Variants in MAG observed in about 807,000 individuals in gnomAD.
MAG encodes myelin-associated glycoprotein.
Under a neutral mutation model 60.7 loss-of-function variants are expected in MAG, and 30 were observed. That is an observed-to-expected ratio of 0.49 (90% CI 0.37 to 0.67). The LOEUF is 0.67. MAG is among the 30% of genes least tolerant of loss of function. The pLI, the probability that MAG is intolerant of heterozygous loss-of-function variation, is 0.00. For missense variants in MAG, 795 were observed against 851.7 expected, an observed-to-expected ratio of 0.93 and a Z score of 0.83; for synonymous variants, 384 against 376.8, an observed-to-expected ratio of 1.02 and a Z score of -0.22.
chr19:35,308,001 C>G (rs568877257), intron 7 of MAG, among the ~76,000 whole-genome samples: 1 of 152,186 alleles, frequency 6.6e-6, no homozygotes, highest in South Asian at 2.1e-4. Context: ...CTGGGGAGGC[C>G]GGGGGCTGGG....
At chr19:35,303,121 G>A (rs192008236) in intron 7 of MAG, among the ~76,000 whole-genome samples, 54 of 152,120 alleles carry the variant, frequency 3.5e-4, no homozygotes, top group African/African-American at 1.3e-3. Flanking sequence ...ACGGGGTTTC[G>A]CCATGTTGGC....
chr19:35,305,694 C>T (rs2066478518), intron 7 of MAG, among the ~76,000 whole-genome samples: 1 of 152,194 alleles, frequency 6.6e-6, no homozygotes, highest in Non-Finnish European at 1.5e-5. Context: ...GTGGCCCACA[C>T]CTGTAGTCCC....
At chr19:35,312,560 TG>T (rs1202005914) in intron 10 of MAG, 2 of 441,562 alleles carry the variant, frequency 4.5e-6, no homozygotes, top group Non-Finnish European at 8.3e-6. Context: ...GTGGGAAGCG[TG>T]GGGGGAACCC....
rs202136750 is a variant in MAG, at chr19:35,302,484, T to G, written c.1007T>G (p.Val336Gly). The G allele has an allele frequency of 1.2e-6, 2 of 1,614,104 alleles. No homozygotes were observed. Among genetic ancestry groups the G allele is most frequent in the Non-Finnish European group, 1.7e-6 (2 of 1,180,032 alleles). ...AAGCCAACAGTGAACGGGACAATGG[T>G]GGCCGTAGAGGGGGAGACGGTCTCT... Reference protein sequence around the residue: ...PWKPTVNGTMVAVEGETVSIL... With the variant: ...PWKPTVNGTMGAVEGETVSIL... The change falls in exon 7 of 11, where the codon GTG becomes GGG. Residue 336 changes from valine to glycine, a missense_variant. Physicochemically the swap from Val to Gly is moderately radical, Grantham distance 109. Transcript: ENST00000392213.
chr19:35,303,830 G>A (rs760623924), intron 7 of MAG, among the ~76,000 whole-genome samples: 1 of 150,900 alleles, frequency 6.6e-6, no homozygotes, highest in African/African-American at 2.4e-5. Context: ...ACTCCAGGTT[G>A]TAGCAGCCAA....
intron 7 of MAG, among the ~76,000 whole-genome samples, chr19:35,307,213 C>A (rs1231336232): frequency 1.3e-5 from 2 of 152,226 alleles, no homozygotes; most frequent in African/African-American, 2.4e-5. Context: ...TGCAGCTCTG[C>A]CCGAACAGGA....
intron 7 of MAG, among the ~76,000 whole-genome samples, chr19:35,303,113 G>A (rs548308534): frequency 7.9e-5 from 12 of 151,990 alleles, no homozygotes; most frequent in Admixed American, 4.6e-4. Flanking sequence ...TAGTAGAGAC[G>A]GGGTTTCGCC....
chr19:35,299,412 T>A, intron 4 of MAG, 142 bp from the exon 5 acceptor site: 1 of 585,164 alleles, frequency 1.7e-6, no homozygotes, highest in Non-Finnish European at 2.8e-6. Flanking sequence ...ATTCTGAATC[T>A]GGAGGCAGGG....
intron 7 of MAG, among the ~76,000 whole-genome samples, chr19:35,304,170 C>CTA (rs1250992131): frequency 6.6e-6 from 1 of 152,210 alleles, no homozygotes; most frequent in East Asian, 1.9e-4. Flanking sequence ...TCCTGCTGAC[C>CTA]TATAATCTTC....
In MAG at chr19:35,296,684, C is replaced by T. The variant is rs149380071; in HGVS notation, c.415+703C>T. ...TGGCGCTGCTGCTTGGAGTCCTCAG[C>T]GCTGAGTCCCTATGAGAGAGCCGGG... On this transcript the variant is annotated intron_variant, in intron 4 of 10. Transcript: ENST00000392213. Among the ~76,000 whole-genome samples the T allele has an allele frequency of 7.9e-5, 12 of 151,992 alleles. No homozygotes were observed. In the East Asian group the frequency reaches 1.9e-3, roughly 25 times the overall value.
At chr19:35,310,326 C>A (rs967963039) in intron 8 of MAG, among the ~76,000 whole-genome samples, 165 bp downstream of exon 8, 13 of 152,234 alleles carry the variant, frequency 8.5e-5, no homozygotes, top group African/African-American at 2.9e-4. Flanking sequence ...CTGAGTTTGC[C>A]CCGAGTTTGC....
At chr19:35,302,769 A>T in intron 7 of MAG, 61 bp downstream of exon 7, 2 of 1,582,574 alleles carry the variant, frequency 1.3e-6, no homozygotes, top group Non-Finnish European at 1.7e-6. Flanking sequence ...CACCAGGGTT[A>T]CTGTGGGTGC....
chr19:35,306,346 CT>C (rs1364858744), intron 7 of MAG, among the ~76,000 whole-genome samples: 5 of 152,136 alleles, frequency 3.3e-5, no homozygotes, highest in Non-Finnish European at 7.3e-5. Flanking sequence ...GTGTGTTTTG[CT>C]GCTGAGGTTT....
intron 7 of MAG, among the ~76,000 whole-genome samples, chr19:35,308,149 G>A (rs1415586379): frequency 6.6e-6 from 1 of 152,180 alleles, no homozygotes; most frequent in Admixed American, 6.5e-5. Flanking sequence ...AGAACTGAGT[G>A]AGGCAGGGAG....
intron 10 of MAG, chr19:35,312,230 GCCCC>G: frequency 6.4e-7 from 1 of 1,558,844 alleles, no homozygotes; most frequent in Non-Finnish European, 8.8e-7. Context: ...GGGCCTAAGG[GCCCC>G]CTCCCCTCCC....
intron 8 of MAG, 66 bp downstream of exon 8, chr19:35,310,227 C>A: frequency 6.6e-7 from 1 of 1,521,448 alleles, no homozygotes; most frequent in South Asian, 1.3e-5. Flanking sequence ...TCCAAGCTCC[C>A]AAGGCTGACC....
In MAG at chr19:35,299,864, C is replaced by A; in HGVS notation, c.712+14C>A. On this transcript the variant is annotated intron_variant, in intron 5 of 10. Transcript: ENST00000392213. ...TGGACGTCAAGTGTGAGCCTGGGTGCGGGCGGGGCGGGGTGGGGCGGGGTG... is the reference window on the plus strand; with the variant it reads ...TGGACGTCAAGTGTGAGCCTGGGTGAGGGCGGGGCGGGGTGGGGCGGGGTG... 1.7e-5 allele frequency: 5 copies of A among 297,500 alleles called. No homozygotes were observed. The highest frequency in any genetic ancestry group is 1.7e-5 in the Non-Finnish European group (4 of 239,848). 18.4% of individuals were successfully genotyped at this position (297,500 alleles called of 1,614,324 possible). A position where few individuals can be genotyped will look rare whatever the true frequency, so the allele number is the denominator to read the frequency against.
intron 4 of MAG, among the ~76,000 whole-genome samples, chr19:35,296,199 G>A (rs547055713): frequency 6.6e-5 from 10 of 152,370 alleles, no homozygotes; most frequent in Admixed American, 5.9e-4. Flanking sequence ...TGCCCTCAGG[G>A]GGAAACAGGT....
chr19:35,295,333 G>T lies in MAG; in HGVS notation c.-23-53G>T. ...TGGGCCCCTTCCTGAAGCCCAGATG[G>T]AACACCCCCTTTCACTTCCCCCAGC... On this transcript the variant is annotated intron_variant, in intron 2 of 10. Transcript: ENST00000392213. This position sits in a 1 kb window ranked among gnomAD's most constrained non-coding sequence, Gnocchi z 5.8. 6.6e-7 allele frequency: 1 copy of T among 1,504,664 alleles called. No homozygotes were observed. The highest frequency in any genetic ancestry group is 1.1e-5 in the South Asian group (1 of 87,514). The allele number at this position is 1,504,664 out of a possible 1,614,324, so 93.2% of individuals were successfully genotyped here.
Sources: gnomAD v4.1 joint callset for allele counts (sites outside exome capture counted in the v4.1 genomes callset) on GRCh38, gnomAD v4.1.1 for gene constraint, Gnocchi (gnomAD v3.1) non-coding constraint, MANE v1.5 for transcripts, NCBI Gene and HGNC (gene_info 2026-07-23, HGNC 2026-07-21) for gene names.